FSTL5: variants seen among roughly 807,000 people sequenced by gnomAD.
FSTL5 encodes the protein follistatin-related protein 5.
A neutral mutation model predicts 89.1 loss-of-function variants in FSTL5; 62 were observed. The observed-to-expected ratio is 0.70, with a 90% CI of 0.57 to 0.86. The LOEUF (loss-of-function observed/expected upper bound fraction) is 0.86. Among genes scored for constraint, FSTL5 ranks in the 40% least tolerant of loss-of-function variants. The pLI, the probability that FSTL5 is intolerant of heterozygous loss-of-function variation, is 0.00. For synonymous variants in FSTL5, 383 were observed against 346.2 expected, an observed-to-expected ratio of 1.11 and a Z score of -1.18; for missense variants, 1,057 against 1,001.6, an observed-to-expected ratio of 1.06 and a Z score of -0.75.
chr4:161,954,657 T>G (rs1165873133), intron 3 of FSTL5, among the ~76,000 whole-genome samples: 1 of 151,690 alleles, frequency 6.6e-6, no homozygotes, highest in Non-Finnish European at 1.5e-5. Context: ...ACACTTGGTT[T>G]CATATTCCAG....
intron 12 of FSTL5, among the ~76,000 whole-genome samples, chr4:161,494,927 T>C (rs1578877045): frequency 6.6e-6 from 1 of 151,954 alleles, no homozygotes; most frequent in African/African-American, 2.4e-5. Flanking sequence ...TCAGATTCAG[T>C]GGTGTGCACT....
intron 6 of FSTL5, among the ~76,000 whole-genome samples, chr4:161,708,204 T>C (rs538945654): frequency 9.3e-4 from 141 of 152,156 alleles, no homozygotes; most frequent in Non-Finnish European, 1.7e-3. Flanking sequence ...GTCTTCTCTA[T>C]CATGTTTTTT....
At chr4:161,725,041 C>A (rs1016713618) in intron 6 of FSTL5, among the ~76,000 whole-genome samples, 1 of 152,082 alleles carries the variant, frequency 6.6e-6, no homozygotes, top group South Asian at 2.1e-4. Flanking sequence ...ACTAAAAATA[C>A]AAAAATTAGC....
intron 1 of FSTL5, among the ~76,000 whole-genome samples, chr4:162,148,255 C>T (rs1302858944): frequency 6.6e-6 from 1 of 152,058 alleles, no homozygotes; most frequent in Non-Finnish European, 1.5e-5. Context: ...GCTGGTTGAC[C>T]AAATCTTCCC....
intron 2 of FSTL5, among the ~76,000 whole-genome samples, chr4:162,045,256 T>C (rs1738127058): frequency 1.3e-5 from 2 of 152,196 alleles, no homozygotes; most frequent in Middle Eastern, 3.4e-3. Flanking sequence ...TTCAGTATTA[T>C]TGCATCTCAG....
At chr4:161,866,323 C>T (rs1732086978) in intron 4 of FSTL5, among the ~76,000 whole-genome samples, 1 of 152,082 alleles carries the variant, frequency 6.6e-6, no homozygotes, top group South Asian at 2.1e-4. Context: ...ACATGCCTTT[C>T]CTAATTTTCC....
chr4:161,830,365 C>T (rs758377716), intron 4 of FSTL5, among the ~76,000 whole-genome samples: 11 of 152,034 alleles, frequency 7.2e-5, no homozygotes, highest in East Asian at 1.9e-4. Context: ...AGTAAACATA[C>T]GTATAATTGG....
At position 161,637,373 on chromosome 4, in the gene FSTL5, A is replaced by T. The variant is rs1283664449; in HGVS notation, c.894+18955T>A. ...AGATTCTGGATATTAGCCCTTTGTCAGATGAGTAGGTTGCAAAAATTTTCT... is the reference window on the plus strand; with the variant it reads ...AGATTCTGGATATTAGCCCTTTGTCTGATGAGTAGGTTGCAAAAATTTTCT... On this transcript the variant is annotated intron_variant, in intron 7 of 15. Coordinates refer to ENST00000306100, the MANE Select transcript of FSTL5 (RefSeq NM_020116.5). 2.9e-3 allele frequency among the ~76,000 whole-genome samples: 306 copies of T among 105,608 alleles called. 1 individual carries two copies. Among genetic ancestry groups the T allele is most frequent in the Non-Finnish European group, 3.7e-3 (202 of 54,318 alleles). The allele number at this position is 105,608 out of a possible 152,430, so 69.3% of individuals were successfully genotyped here.
chr4:161,914,534 AC>A (rs1235763637), intron 4 of FSTL5, among the ~76,000 whole-genome samples: 1 of 152,180 alleles, frequency 6.6e-6, no homozygotes, highest in Non-Finnish European at 1.5e-5. Context: ...AACAAAATTA[AC>A]CTGCATAAAT....
intron 8 of FSTL5, among the ~76,000 whole-genome samples, chr4:161,550,914 C>A (rs1482175888): frequency 6.6e-6 from 1 of 151,864 alleles, no homozygotes; most frequent in East Asian, 1.9e-4. Flanking sequence ...GACACGAACT[C>A]ATCATTTTTT....
At chr4:161,789,151 A>C (rs11100388) in intron 4 of FSTL5, among the ~76,000 whole-genome samples, 21,207 of 152,124 alleles carry the variant, frequency 0.14, 2,822 homozygotes, top group African/African-American at 0.34. Context: ...ATAGCTTAGT[A>C]ATATTTTATT....
intron 4 of FSTL5, among the ~76,000 whole-genome samples, chr4:161,834,293 G>A (rs1271733202): frequency 5.3e-5 from 8 of 152,038 alleles, no homozygotes; most frequent in Non-Finnish European, 1.2e-4. Context: ...GTATTGATGG[G>A]ACGTATCTCA....
chr4:161,672,095 G>C (rs1311123075), intron 6 of FSTL5, among the ~76,000 whole-genome samples: 1 of 152,046 alleles, frequency 6.6e-6, no homozygotes, highest in Non-Finnish European at 1.5e-5. Context: ...AAATGCTTTT[G>C]AGAAGGAAAC....
intron 3 of FSTL5, among the ~76,000 whole-genome samples, chr4:162,003,066 A>G (rs1578937281): frequency 6.6e-6 from 1 of 152,018 alleles, no homozygotes; most frequent in Non-Finnish European, 1.5e-5. Flanking sequence ...ATGGTGTGAA[A>G]CCAGGAGGTG....
At chr4:161,697,013 T>A (rs1210102765) in intron 6 of FSTL5, among the ~76,000 whole-genome samples, 1 of 152,158 alleles carries the variant, frequency 6.6e-6, no homozygotes, top group African/African-American at 2.4e-5. Context: ...GGAGTGGATA[T>A]CCTAAATTCT....
At chr4:161,980,433 G>A (rs1735793947) in intron 3 of FSTL5, among the ~76,000 whole-genome samples, 1 of 151,988 alleles carries the variant, frequency 6.6e-6, no homozygotes, top group Non-Finnish European at 1.5e-5. Flanking sequence ...TGACACCCTG[G>A]CACATGTTCT....
At chr4:161,727,692 C>G (rs1739468659) in intron 6 of FSTL5, among the ~76,000 whole-genome samples, 4 of 152,108 alleles carry the variant, frequency 2.6e-5, no homozygotes, top group Admixed American at 2.6e-4. Context: ...AAAACATAGG[C>G]CTTTGTACAA....
At chr4:161,621,298 AC>A (rs1735113680) in intron 7 of FSTL5, among the ~76,000 whole-genome samples, 2 of 151,700 alleles carry the variant, frequency 1.3e-5, no homozygotes, top group African/African-American at 4.8e-5. Context: ...ACACACACAC[AC>A]ACACACAAAC....
At chr4:162,018,679 T>C (rs950293763) in intron 3 of FSTL5, among the ~76,000 whole-genome samples, 1 of 152,012 alleles carries the variant, frequency 6.6e-6, no homozygotes, top group Non-Finnish European at 1.5e-5. Flanking sequence ...TGCCATCTGC[T>C]AACTCAGTAT....
Sources: allele counts gnomAD v4.1 joint callset (sites outside exome capture counted in the v4.1 genomes callset), GRCh38; gene constraint gnomAD v4.1.1; transcripts MANE v1.5; gene names NCBI Gene and HGNC (gene_info 2026-07-23, HGNC 2026-07-21).